The following NTM variants were observed in gnomAD, a reference collection of about 807,000 sequenced individuals.
NTM encodes IgLON family member 2.
In NTM, 13 loss-of-function variants were observed where a neutral mutation model predicts 42.1. The ratio of observed to expected loss-of-function variants is 0.31; its 90% confidence interval spans 0.20 to 0.49. The LOEUF (loss-of-function observed/expected upper bound fraction) is 0.49. NTM is among the 20% of genes least tolerant of loss of function. The probability of loss-of-function intolerance (pLI) is 0.99; values close to 1 mark genes in which losing one functional copy is unlikely to be tolerated. For missense variants in NTM, 373 were observed against 452.8 expected, an observed-to-expected ratio of 0.82 and a Z score of 1.60; for synonymous variants, 187 against 179.2, an observed-to-expected ratio of 1.04 and a Z score of -0.35.
At chr11:132,014,137 C>A (rs570348908) in intron 2 of NTM, among the ~76,000 whole-genome samples, 1 of 152,150 alleles carries the variant, frequency 6.6e-6, no homozygotes, top group East Asian at 1.9e-4. Context: ...TGTGTGAGAA[C>A]CTGTGATATT....
chr11:131,531,073 T>C (rs1032705046), intron 1 of NTM, among the ~76,000 whole-genome samples: 1 of 152,138 alleles, frequency 6.6e-6, no homozygotes, highest in Non-Finnish European at 1.5e-5. Flanking sequence ...ACTTCATAGA[T>C]GAGAAAGCTG....
intron 1 of NTM, among the ~76,000 whole-genome samples, chr11:131,709,326 C>T (rs1216538548): frequency 6.6e-6 from 1 of 152,172 alleles, no homozygotes; most frequent in Non-Finnish European, 1.5e-5. Flanking sequence ...AAACAGATCC[C>T]TGTGGTTGCA....
In NTM at chr11:131,873,562, C is replaced by G. The variant is rs992139577; in HGVS notation, c.83-38002C>G. The stretch of plus-strand genomic sequence containing the variant: ...TGTATATATATACATATATATATAC[C>G]GTATATATATACATATATATATACC... On this transcript the variant is annotated intron_variant, in intron 1 of 8. Transcript: ENST00000683400. Among the ~76,000 whole-genome samples, 31 of 33,100 alleles carry G rather than the reference C, an allele frequency of 9.4e-4. 1 individual carries two copies. The highest frequency in any genetic ancestry group is 2.6e-3 in the African/African-American group (29 of 11,152). The allele number at this position is 33,100 out of a possible 152,430, so 21.7% of individuals were successfully genotyped here. A position where few individuals can be genotyped will look rare whatever the true frequency, so the allele number is the denominator to read the frequency against.
At chr11:132,030,554 G>C (rs572689383) in intron 2 of NTM, among the ~76,000 whole-genome samples, 1 of 152,218 alleles carries the variant, frequency 6.6e-6, no homozygotes, top group African/African-American at 2.4e-5. Context: ...TGGGACTAGA[G>C]ATAGAGGTGG....
At chr11:131,866,399 C>T (rs143897944) in intron 1 of NTM, among the ~76,000 whole-genome samples, 1,650 of 152,376 alleles carry the variant, frequency 0.011, 26 homozygotes, top group African/African-American at 0.037. Flanking sequence ...AGTCCCAGCT[C>T]CTTGGGGCCA....
chr11:131,675,387 A>G (rs145820900), intron 1 of NTM, among the ~76,000 whole-genome samples: 3 of 152,336 alleles, frequency 2.0e-5, no homozygotes, highest in African/African-American at 7.2e-5. Context: ...AGTATCTTAC[A>G]TAACCAGTAA....
chr11:131,389,201 C>T (rs71483662), intron 1 of NTM, among the ~76,000 whole-genome samples: 4,642 of 152,222 alleles, frequency 0.03, 97 homozygotes, highest in Middle Eastern at 0.044. Context: ...CTCCCTGCCT[C>T]GGGCCTGGCT....
At chr11:132,163,104 A>G (rs2137667233) in intron 3 of NTM, among the ~76,000 whole-genome samples, 1 of 152,308 alleles carries the variant, frequency 6.6e-6, no homozygotes, top group Non-Finnish European at 1.5e-5. Context: ...GCGTCTGCAG[A>G]GAGGCCCTGC....
At chr11:132,314,973 C>A in intron 7 of NTM, 4 of 1,192,786 alleles carry the variant, frequency 3.4e-6, no homozygotes, top group Non-Finnish European at 4.2e-6. Context: ...AAGTAGATCT[C>A]AGAAGTGGGA....
At chr11:131,553,881 T>C (rs366457) in intron 1 of NTM, among the ~76,000 whole-genome samples, 151,500 of 152,322 alleles carry the variant, frequency 0.99, 75,343 homozygotes, top group East Asian at 1. Context: ...CCGTTGCCCA[T>C]ATATATTTTC....
intron 1 of NTM, among the ~76,000 whole-genome samples, chr11:131,559,822 A>G (rs1454905139): frequency 6.6e-6 from 1 of 152,290 alleles, no homozygotes; most frequent in South Asian, 2.1e-4. Flanking sequence ...TGAGAGGCTC[A>G]CTTTCGTTCC....
At chr11:131,478,340 A>G (rs1953180363) in intron 1 of NTM, among the ~76,000 whole-genome samples, 1 of 152,194 alleles carries the variant, frequency 6.6e-6, no homozygotes, top group African/African-American at 2.4e-5. Flanking sequence ...CAGGGCACAC[A>G]TCAGGAATTA....
At chr11:131,735,884 AT>A (rs1473085238) in intron 1 of NTM, among the ~76,000 whole-genome samples, 1 of 150,142 alleles carries the variant, frequency 6.7e-6, no homozygotes, top group Non-Finnish European at 1.5e-5. Flanking sequence ...GTATAAAAAA[AT>A]ATATGGAGTC....
At chr11:131,557,635 C>T (rs893836223) in intron 1 of NTM, among the ~76,000 whole-genome samples, 15 of 151,988 alleles carry the variant, frequency 9.9e-5, no homozygotes, top group Admixed American at 9.2e-4. Context: ...TGTGATGTGC[C>T]GCACAGGGAT....
At chr11:131,683,573 G>T (rs949194313) in intron 1 of NTM, among the ~76,000 whole-genome samples, 2 of 152,234 alleles carry the variant, frequency 1.3e-5, no homozygotes, top group African/African-American at 2.4e-5. Context: ...TGCAGAAATA[G>T]ACCCTGGATG....
intron 1 of NTM, among the ~76,000 whole-genome samples, chr11:131,861,556 C>G (rs190713562): frequency 1.3e-5 from 2 of 152,096 alleles, no homozygotes; most frequent in Admixed American, 6.5e-5. Flanking sequence ...AAAGTCTCAC[C>G]GGGTTACATT....
At chr11:131,409,383 C>A (rs935467776) in intron 1 of NTM, among the ~76,000 whole-genome samples, 1 of 152,226 alleles carries the variant, frequency 6.6e-6, no homozygotes, top group African/African-American at 2.4e-5. Flanking sequence ...CCTGGAGAAG[C>A]TTAGGCACAG....
At chr11:131,480,131 C>CT (rs55747636) in intron 1 of NTM, among the ~76,000 whole-genome samples, 493 of 134,472 alleles carry the variant, frequency 3.7e-3, no homozygotes, top group East Asian at 0.012. Flanking sequence ...ATCTTGATTA[C>CT]TTTTTTTTTT....
intron 1 of NTM, among the ~76,000 whole-genome samples, chr11:131,425,435 T>C (rs539559770): frequency 4.6e-5 from 7 of 152,222 alleles, no homozygotes; most frequent in Admixed American, 3.9e-4. Context: ...GCAAATAATA[T>C]ACACATTAAA....
Sources: gnomAD v4.1 joint callset for allele counts (sites outside exome capture counted in the v4.1 genomes callset) on GRCh38, gnomAD v4.1.1 for gene constraint, MANE v1.5 for transcripts, NCBI Gene and HGNC (gene_info 2026-07-23, HGNC 2026-07-21) for gene names.